Variants in AUTS2 observed in about 807,000 individuals in gnomAD.
AUTS2 encodes the protein autism susceptibility gene 2 protein.
A neutral mutation model predicts 112.4 loss-of-function variants in AUTS2; 17 were observed. That is an observed-to-expected ratio of 0.15 (90% CI 0.10 to 0.23). The LOEUF is 0.23. Among genes scored for constraint, AUTS2 ranks in the 10% least tolerant of loss-of-function variants. AUTS2 has a pLI of 1.00. For synonymous variants in AUTS2, 751 were observed against 702.7 expected (o/e 1.07, Z -1.09); for missense variants, 1,510 against 1,701.6 (o/e 0.89, Z 1.98).
intron 2 of AUTS2, among the ~76,000 whole-genome samples, chr7:69,960,179 G>A (rs1797373607): frequency 6.6e-6 from 1 of 152,072 alleles, no homozygotes; most frequent in Non-Finnish European, 1.5e-5. Flanking sequence ...GACATTTCAG[G>A]TCTATTTTCC....
intron 4 of AUTS2, among the ~76,000 whole-genome samples, chr7:70,227,878 G>A (rs1811848209): frequency 6.6e-6 from 1 of 152,112 alleles, no homozygotes; most frequent in Non-Finnish European, 1.5e-5. Context: ...TGTACCATGT[G>A]TGCTTAAAAG....
intron 5 of AUTS2, among the ~76,000 whole-genome samples, chr7:70,653,292 AAACCT>A (rs1196158988): frequency 6.6e-6 from 1 of 152,150 alleles, no homozygotes; most frequent in East Asian, 1.9e-4. Context: ...TTCTCTTTGG[AAACCT>A]AACCCTCAAT....
At chr7:70,525,410 TTGAA>T (rs67682986) in intron 5 of AUTS2, among the ~76,000 whole-genome samples, 22 of 151,526 alleles carry the variant, frequency 1.5e-4, no homozygotes, top group South Asian at 8.3e-4. Context: ...TGTATATTTG[TTGAA>T]TGAATGAATG....
intron 4 of AUTS2, among the ~76,000 whole-genome samples, chr7:70,168,415 C>G (rs927579581): frequency 6.6e-6 from 1 of 152,214 alleles, no homozygotes; most frequent in Non-Finnish European, 1.5e-5. Context: ...CTCCCAGGTT[C>G]AAGAGATTCT....
intron 1 of AUTS2, among the ~76,000 whole-genome samples, chr7:69,633,198 C>G (rs1310364494): frequency 1.3e-5 from 2 of 151,490 alleles, no homozygotes; most frequent in Admixed American, 1.3e-4. Context: ...ATTTTTTTTT[C>G]TGTGTCTGGT....
chr7:70,576,911 TC>T (rs1802195646), intron 5 of AUTS2, among the ~76,000 whole-genome samples: 1 of 152,140 alleles, frequency 6.6e-6, no homozygotes, highest in Non-Finnish European at 1.5e-5. Flanking sequence ...ATTTCATAGA[TC>T]CCTTGGAACA....
intron 4 of AUTS2, among the ~76,000 whole-genome samples, chr7:70,339,162 C>T (rs1271748880): frequency 6.6e-6 from 1 of 152,144 alleles, no homozygotes; most frequent in Admixed American, 6.5e-5. Flanking sequence ...CGCGCCCGGC[C>T]TGGCCTCATC....
At chr7:70,321,287 T>C (rs926079777) in intron 4 of AUTS2, among the ~76,000 whole-genome samples, 4 of 152,344 alleles carry the variant, frequency 2.6e-5, no homozygotes, top group African/African-American at 9.6e-5. Flanking sequence ...TTCCTTAATA[T>C]AGAATGTCCT....
At chr7:70,658,001 C>T (rs546847342) in intron 5 of AUTS2, among the ~76,000 whole-genome samples, 35 of 152,196 alleles carry the variant, frequency 2.3e-4, no homozygotes, top group Non-Finnish European at 2.9e-5. Flanking sequence ...AGGCACCATA[C>T]TCTATCTGCC....
At chr7:70,025,072 G>A (rs1433385804) in intron 2 of AUTS2, among the ~76,000 whole-genome samples, 1 of 152,144 alleles carries the variant, frequency 6.6e-6, no homozygotes, top group African/African-American at 2.4e-5. Context: ...ATGAGGTTAT[G>A]GGACAGCATT....
intron 2 of AUTS2, among the ~76,000 whole-genome samples, chr7:70,108,225 T>G (rs184764270): frequency 2.0e-5 from 3 of 152,260 alleles, no homozygotes; most frequent in African/African-American, 7.2e-5. Context: ...TAGTGGCAAG[T>G]TGGATAGAGA....
intron 1 of AUTS2, among the ~76,000 whole-genome samples, chr7:69,756,844 G>A (rs1787965486): frequency 6.6e-6 from 1 of 152,030 alleles, no homozygotes; most frequent in Non-Finnish European, 1.5e-5. Flanking sequence ...GAACATTGGG[G>A]CATATAAATG....
chr7:70,364,808 A>G (rs1434395818), intron 4 of AUTS2, among the ~76,000 whole-genome samples: 1 of 152,208 alleles, frequency 6.6e-6, no homozygotes, highest in Non-Finnish European at 1.5e-5. Context: ...AGACAGAAGC[A>G]GAACCAGTTG....
Position 69,599,643 on chromosome 7 carries a change from G to A in AUTS2, c.-11G>A. ...GGCGGGCAAGCGGGGAGACCCCGGC[G>A]CAGCAGAACCATGGATGGCCCGACG... On this transcript the variant is annotated 5_prime_UTR_variant, in exon 1 of 19. Coordinates refer to ENST00000342771, the MANE Select transcript of AUTS2 (RefSeq NM_015570.4). The surrounding 1 kb of genome is among the most constrained non-coding windows in gnomAD (Gnocchi z 7.0). 1.6e-6 allele frequency: 2 copies of A among 1,281,736 alleles called. No individual in the cohort carries two copies. The highest frequency in any genetic ancestry group is 2.0e-6 in the Non-Finnish European group (2 of 1,016,474). The allele number at this position is 1,281,736 out of a possible 1,614,324, so 79.4% of individuals were successfully genotyped here.
intron 5 of AUTS2, among the ~76,000 whole-genome samples, chr7:70,611,885 T>C (rs910430548): frequency 6.6e-6 from 1 of 152,216 alleles, no homozygotes; most frequent in African/African-American, 2.4e-5. Flanking sequence ...CATACTTGAA[T>C]AGTGACTTCA....
chr7:70,609,967 T>C (rs1032681015), intron 5 of AUTS2, among the ~76,000 whole-genome samples: 17 of 73,926 alleles, frequency 2.3e-4, no homozygotes, highest in African/African-American at 7.6e-4. Context: ...TTTTTGTTGT[T>C]GTTGTTGTTG....
In AUTS2 at chr7:70,694,427, C is replaced by A. The variant is rs1808945314; in HGVS notation, c.691-4142C>A. 1 of 149,458 alleles carries A rather than the reference C, an allele frequency of 6.7e-6. No individual in the cohort carries two copies. Among genetic ancestry groups the A allele is most frequent in the Admixed American group, 6.6e-5 (1 of 15,090 alleles). 9.3% of individuals were successfully genotyped at this position (149,458 alleles called of 1,614,324 possible). A position where few individuals can be genotyped will look rare whatever the true frequency, so the allele number is the denominator to read the frequency against. ...GCCCAGGACCAGGCAGCCCGCGGCG[C>A]GGCTGGAGAGGCGGGACCGGCTGTC... On this transcript the variant is annotated intron_variant, in intron 5 of 18. Coordinates refer to ENST00000342771, the MANE Select transcript of AUTS2 (RefSeq NM_015570.4). The surrounding 1 kb of genome is among the most constrained non-coding windows in gnomAD (Gnocchi z 4.1).
intron 1 of AUTS2, among the ~76,000 whole-genome samples, chr7:69,637,837 G>C (rs184509690): frequency 9.5e-4 from 145 of 152,214 alleles, no homozygotes; most frequent in African/African-American, 3.4e-3. Context: ...TCGTGTATGT[G>C]GTCTATCATT....
chr7:69,837,568 A>G lies in AUTS2; in HGVS notation c.310-61718A>G, dbSNP rs545377847. On this transcript the variant is annotated intron_variant, in intron 1 of 18. Transcript: ENST00000342771. ...CCTCTCCCTGCCTCCTGGTCTTGCC[A>G]TGAGTCACTGCTGAGCCATTTGTGT... Among the ~76,000 whole-genome samples, 3 of 152,166 alleles carry G rather than the reference A, an allele frequency of 2.0e-5. No individual in the cohort carries two copies. In the East Asian group the frequency reaches 5.8e-4, roughly 29 times the overall value.
Sources: allele counts gnomAD v4.1 joint callset (sites outside exome capture counted in the v4.1 genomes callset), GRCh38; gene constraint gnomAD v4.1.1; non-coding constraint Gnocchi (gnomAD v3.1); transcripts MANE v1.5; gene names NCBI Gene and HGNC (gene_info 2026-07-23, HGNC 2026-07-21).